The following MARCHF1 variants were observed in gnomAD, a reference collection of about 807,000 sequenced individuals.
MARCHF1 encodes the protein E3 ubiquitin-protein ligase MARCHF1.
MARCHF1 carries 40 observed loss-of-function variants against 54.2 expected under a neutral mutation model. The observed-to-expected ratio is 0.74, with a 90% CI of 0.57 to 0.96. The LOEUF is 0.96. MARCHF1 is among the 40% of genes least tolerant of loss of function. The pLI is 0.00. For synonymous variants in MARCHF1, 236 were observed against 236.3 expected (o/e 1.00, Z 0.01); for missense variants, 586 against 656.5 (o/e 0.89, Z 1.17).
chr4:163,633,989 C>A (rs931004196), intron 5 of MARCHF1, among the ~76,000 whole-genome samples: 35 of 152,194 alleles, frequency 2.3e-4, no homozygotes, highest in Middle Eastern at 3.4e-3. Context: ...TCATATCCAG[C>A]CAAACTAAGC....
intron 3 of MARCHF1, among the ~76,000 whole-genome samples, chr4:163,945,063 A>G (rs1473322936): frequency 6.6e-6 from 1 of 152,206 alleles, no homozygotes; most frequent in East Asian, 1.9e-4. Flanking sequence ...AAACATGAGC[A>G]ATACCCACAA....
chr4:164,362,876 G>T (rs1730764193), intron 1 of MARCHF1, among the ~76,000 whole-genome samples: 1 of 151,688 alleles, frequency 6.6e-6, no homozygotes, highest in Non-Finnish European at 1.5e-5. Context: ...TGCCTTATTT[G>T]TCTTTCAATT....
intron 5 of MARCHF1, among the ~76,000 whole-genome samples, chr4:163,630,263 G>GA (rs1257292462): frequency 2.2e-5 from 3 of 134,194 alleles, no homozygotes; most frequent in Admixed American, 7.6e-5. Flanking sequence ...GCAATAAAAA[G>GA]AAAAAACTAT....
intron 4 of MARCHF1, among the ~76,000 whole-genome samples, chr4:163,793,078 T>C (rs1194610159): frequency 6.6e-6 from 1 of 152,180 alleles, no homozygotes; most frequent in Non-Finnish European, 1.5e-5. Context: ...TAAATAACTT[T>C]CAGTTTCTCT....
chr4:164,106,779 T>TA (rs1230772911), intron 2 of MARCHF1, among the ~76,000 whole-genome samples: 8,714 of 135,156 alleles, frequency 0.064, 838 homozygotes, highest in African/African-American at 0.22. Context: ...AAATAAAAAA[T>TA]AAAAAAAAAA....
intron 2 of MARCHF1, among the ~76,000 whole-genome samples, chr4:164,070,911 T>G (rs570439976): frequency 6.6e-6 from 1 of 152,172 alleles, no homozygotes; most frequent in Non-Finnish European, 1.5e-5. Flanking sequence ...CTCCTACTGT[T>G]TGCATGATAA....
chr4:164,000,604 G>A (rs1407054204), intron 2 of MARCHF1, among the ~76,000 whole-genome samples: 7 of 151,628 alleles, frequency 4.6e-5, no homozygotes, highest in Non-Finnish European at 1.0e-4. Context: ...CAATTACTAA[G>A]TTAGATAGAA....
chr4:163,996,318 C>T (rs1429216727), intron 2 of MARCHF1, among the ~76,000 whole-genome samples: 1 of 151,890 alleles, frequency 6.6e-6, no homozygotes. Flanking sequence ...AATATATATT[C>T]TTCTTTCTAT....
intron 8 of MARCHF1, among the ~76,000 whole-genome samples, chr4:163,572,291 T>C (rs1453475398): frequency 6.6e-6 from 1 of 150,486 alleles, no homozygotes. Context: ...ACGTTTAAAA[T>C]GCATTTGAAT....
intron 3 of MARCHF1, among the ~76,000 whole-genome samples, chr4:163,875,236 A>G (rs1040751326): frequency 6.6e-6 from 1 of 152,080 alleles, no homozygotes; most frequent in Non-Finnish European, 1.5e-5. Context: ...AAATTCCCCA[A>G]TTTATCTTCC....
At chr4:163,743,413 A>G (rs1746264014) in intron 4 of MARCHF1, among the ~76,000 whole-genome samples, 1 of 152,214 alleles carries the variant, frequency 6.6e-6, no homozygotes, top group South Asian at 2.1e-4. Flanking sequence ...GGGCAACCCA[A>G]TAAGATGCTC....
chr4:164,252,275 G>C (rs938528911), intron 1 of MARCHF1, among the ~76,000 whole-genome samples: 1 of 152,016 alleles, frequency 6.6e-6, no homozygotes, highest in African/African-American at 2.4e-5. Context: ...CTGTAGAATA[G>C]GTAGAACAGA....
chr4:163,821,326 T>G (rs1341012589), intron 4 of MARCHF1, among the ~76,000 whole-genome samples: 1 of 152,034 alleles, frequency 6.6e-6, no homozygotes, highest in Non-Finnish European at 1.5e-5. Context: ...AATTTTATAC[T>G]TGTGTGGGTT....
chr4:164,017,139 TA>T lies in MARCHF1; in HGVS notation c.-247-28431del, dbSNP rs376866390. Reference sequence around the variant, plus strand: ...ATGTATTCCTTTATACTAAGGACCTTAAAAAAAAGGAGTAAAGATGGGGCAC... The same window carrying T: ...ATGTATTCCTTTATACTAAGGACCTTAAAAAAAGGAGTAAAGATGGGGCAC... On this transcript the variant is annotated intron_variant, in intron 2 of 9. Coordinates refer to ENST00000514618, the MANE Select transcript of MARCHF1 (RefSeq NM_001394959.1). Among the ~76,000 whole-genome samples the T allele has an allele frequency of 1.1e-4, 17 of 151,714 alleles. 1 individual carries two copies. Among genetic ancestry groups the T allele is most frequent in the African/African-American group, 3.6e-4 (15 of 41,446 alleles).
chr4:163,531,911 A>G (rs1310071051), intron 9 of MARCHF1, among the ~76,000 whole-genome samples: 1 of 151,912 alleles, frequency 6.6e-6, no homozygotes, highest in Non-Finnish European at 1.5e-5. Flanking sequence ...TTATGTGAGA[A>G]AAACTATGAA....
At chr4:164,277,124 A>AT (rs999679873) in intron 1 of MARCHF1, among the ~76,000 whole-genome samples, 1 of 151,650 alleles carries the variant, frequency 6.6e-6, no homozygotes, top group African/African-American at 2.4e-5. Flanking sequence ...AGATATCATC[A>AT]TTTTTTTCAG....
intron 3 of MARCHF1, among the ~76,000 whole-genome samples, chr4:163,984,335 C>T (rs1180265718): frequency 6.6e-6 from 1 of 152,090 alleles, no homozygotes; most frequent in African/African-American, 2.4e-5. Flanking sequence ...TTTTGTTTTC[C>T]TCCTAAATCT....
intron 2 of MARCHF1, among the ~76,000 whole-genome samples, chr4:164,097,455 T>A (rs1002401969): frequency 2.0e-5 from 3 of 152,216 alleles, no homozygotes; most frequent in Non-Finnish European, 2.9e-5. Flanking sequence ...ATAGATATCA[T>A]AAACTATGAT....
At chr4:163,900,062 T>A (rs1366573339) in intron 3 of MARCHF1, among the ~76,000 whole-genome samples, 1 of 152,108 alleles carries the variant, frequency 6.6e-6, no homozygotes, top group Non-Finnish European at 1.5e-5. Context: ...GAACTCTTGC[T>A]TCCCCTTTTT....
Sources: allele counts gnomAD v4.1 joint callset (sites outside exome capture counted in the v4.1 genomes callset), GRCh38; gene constraint gnomAD v4.1.1; transcripts MANE v1.5; gene names NCBI Gene and HGNC (gene_info 2026-07-23, HGNC 2026-07-21).